The following EXT2 variants were observed in gnomAD, a reference collection of about 807,000 sequenced individuals.
The protein encoded by EXT2 is exostosin-2.
EXT2 carries 53 observed loss-of-function variants against 81.6 expected under a neutral mutation model. That is an observed-to-expected ratio of 0.65 (90% CI 0.52 to 0.82). EXT2 has a LOEUF of 0.82. Among genes scored for constraint, EXT2 ranks in the 40% least tolerant of loss-of-function variants. EXT2 has a pLI of 0.00. For synonymous variants in EXT2, 320 were observed against 340.0 expected (o/e 0.94, Z 0.65); for missense variants, 774 against 910.2 (o/e 0.85, Z 1.93).
intron 10 of EXT2, among the ~76,000 whole-genome samples, chr11:44,209,827 G>A (rs1246394208): frequency 6.6e-6 from 1 of 152,194 alleles, no homozygotes; most frequent in Non-Finnish European, 1.5e-5. Context: ...ATTGTGAACT[G>A]TGTTGTTATA....
At chr11:44,152,562 G>C (rs1216979597) in intron 7 of EXT2, among the ~76,000 whole-genome samples, 2 of 152,128 alleles carry the variant, frequency 1.3e-5, no homozygotes, top group Admixed American at 1.3e-4. Context: ...TGTTGGCCAG[G>C]CTGGTCTTGA....
intron 7 of EXT2, among the ~76,000 whole-genome samples, chr11:44,149,936 T>TA (rs751776378): frequency 7.2e-5 from 11 of 152,222 alleles, no homozygotes; most frequent in Non-Finnish European, 1.6e-4. Context: ...TCCCCAAAAT[T>TA]AAACTACACA....
At chr11:44,229,236 A>G (rs1955870980) in intron 10 of EXT2, among the ~76,000 whole-genome samples, 1 of 152,226 alleles carries the variant, frequency 6.6e-6, no homozygotes, top group African/African-American at 2.4e-5. Context: ...GTTATGGCTC[A>G]CATACTGTGT....
intron 12 of EXT2, among the ~76,000 whole-genome samples, chr11:44,234,863 T>C (rs905895867): frequency 1.3e-5 from 2 of 152,224 alleles, no homozygotes; most frequent in Admixed American, 6.5e-5. Flanking sequence ...CACTTCTTTA[T>C]ATGAGTAGAA....
chr11:44,235,250 T>TGG (rs1554941031), intron 12 of EXT2, among the ~76,000 whole-genome samples: 1 of 121,990 alleles, frequency 8.2e-6, no homozygotes, highest in East Asian at 2.4e-4. Context: ...TTTTTTTTTT[T>TGG]GGTGAGACTG....
At chr11:44,192,458 T>C (rs926740599) in intron 8 of EXT2, among the ~76,000 whole-genome samples, 19 of 152,132 alleles carry the variant, frequency 1.2e-4, no homozygotes, top group African/African-American at 4.6e-4. Context: ...AGGCTTATAG[T>C]GTATGTTCAG....
At chr11:44,199,999 C>G (rs907872473) in intron 9 of EXT2, among the ~76,000 whole-genome samples, 1 of 152,054 alleles carries the variant, frequency 6.6e-6, no homozygotes, top group Non-Finnish European at 1.5e-5. Context: ...AGGGCTCTGG[C>G]TCTGGCGATG....
chr11:44,124,344 T>C (rs1052065241), intron 4 of EXT2, among the ~76,000 whole-genome samples: 1 of 151,914 alleles, frequency 6.6e-6, no homozygotes, highest in Non-Finnish European at 1.5e-5. Context: ...TCTTTCCCCA[T>C]TTGAAGAATG....
At chr11:44,197,395 A>G (rs1187835723) in intron 8 of EXT2, among the ~76,000 whole-genome samples, 2 of 151,278 alleles carry the variant, frequency 1.3e-5, no homozygotes, top group African/African-American at 2.4e-5. Flanking sequence ...CCAGGTCTCC[A>G]CTCTCACTCC....
chr11:44,153,921 G>A (rs1954825241), intron 7 of EXT2, among the ~76,000 whole-genome samples: 1 of 149,886 alleles, frequency 6.7e-6, no homozygotes. Flanking sequence ...ACTGGTTGTT[G>A]TTGTTTTTTT....
intron 8 of EXT2, among the ~76,000 whole-genome samples, chr11:44,187,247 A>C (rs1020398327): frequency 1.3e-5 from 2 of 151,886 alleles, no homozygotes; most frequent in African/African-American, 2.4e-5. Flanking sequence ...GCATGATCAC[A>C]GCTCACTGCA....
At chr11:44,194,583 G>C (rs1955433797) in intron 8 of EXT2, among the ~76,000 whole-genome samples, 1 of 152,082 alleles carries the variant, frequency 6.6e-6, no homozygotes. Flanking sequence ...TCACTTACAG[G>C]TTATATAGCC....
intron 8 of EXT2, among the ~76,000 whole-genome samples, chr11:44,183,395 A>G (rs1340787038): frequency 6.6e-6 from 1 of 152,114 alleles, no homozygotes; most frequent in African/African-American, 2.4e-5. Context: ...CTTATTCTCT[A>G]TCTTCTCAAA....
chr11:44,235,163 A>G (rs1393889664), intron 12 of EXT2, among the ~76,000 whole-genome samples: 1 of 152,100 alleles, frequency 6.6e-6, no homozygotes, highest in African/African-American at 2.4e-5. Context: ...GACCACAAAA[A>G]AAATTAAATA....
rs778620761 is a variant in EXT2, at chr11:44,206,977, A to G, written c.1662+18A>G. On this transcript the variant is annotated intron_variant, in intron 10 of 13. Coordinates refer to ENST00000533608, the MANE Select transcript of EXT2 (RefSeq NM_207122.2). ...GTTATGAGGTAAGGAGGTTTTACAC[A>G]GTGTGTTTATATGTTTAATATTACT... The G allele has an allele frequency of 3.7e-5, 60 of 1,612,596 alleles. No homozygotes were observed. The highest frequency in any genetic ancestry group is 4.8e-5 in the Non-Finnish European group (57 of 1,178,946).
At position 44,180,872 on chromosome 11, in the gene EXT2, C is replaced by T. The variant is rs1231105554; in HGVS notation, c.1305+9130C>T. Reference sequence around the variant, plus strand: ...ATCCCAGCACTGTGGGAGGCCGAGGCGGGCGGATCACCTGAGGTCAGGAGT... The same window carrying T: ...ATCCCAGCACTGTGGGAGGCCGAGGTGGGCGGATCACCTGAGGTCAGGAGT... On this transcript the variant is annotated intron_variant, in intron 8 of 13. Coordinates refer to ENST00000533608, the MANE Select transcript of EXT2 (RefSeq NM_207122.2). Among the ~76,000 whole-genome samples, 8 of 152,220 alleles carry T rather than the reference C, an allele frequency of 5.3e-5. 1 individual carries two copies. The highest frequency in any genetic ancestry group is 6.8e-3 in the Middle Eastern group (2 of 294).
At chr11:44,194,482 G>GGTAT (rs1955432325) in intron 8 of EXT2, among the ~76,000 whole-genome samples, 1 of 152,128 alleles carries the variant, frequency 6.6e-6, no homozygotes, top group Non-Finnish European at 1.5e-5. Context: ...ACCCAGTTTG[G>GGTAT]GTATGTATGT....
At chr11:44,169,233 T>A (rs1305353592) in intron 7 of EXT2, among the ~76,000 whole-genome samples, 11 of 151,292 alleles carry the variant, frequency 7.3e-5, no homozygotes. Context: ...AATAAATAAA[T>A]AAATAAATAA....
intron 10 of EXT2, among the ~76,000 whole-genome samples, chr11:44,219,096 C>T (rs529007017): frequency 8.5e-4 from 129 of 152,160 alleles, no homozygotes; most frequent in African/African-American, 3.0e-3. Flanking sequence ...CCACTGCACC[C>T]GGCCTAGAAT....
Sources: allele counts gnomAD v4.1 joint callset (sites outside exome capture counted in the v4.1 genomes callset), GRCh38; gene constraint gnomAD v4.1.1; transcripts MANE v1.5; gene names NCBI Gene and HGNC (gene_info 2026-07-23, HGNC 2026-07-21).